NTRK3: variants seen among roughly 807,000 people sequenced by gnomAD.
NTRK3 encodes the protein neurotrophic receptor tyrosine kinase 3, also known as NT-3 growth factor receptor.
NTRK3 carries 24 observed loss-of-function variants against 91.7 expected under a neutral mutation model. That is an observed-to-expected ratio of 0.26 (90% CI 0.19 to 0.37). NTRK3 has a LOEUF of 0.37. Ranked by LOEUF, NTRK3 falls within the 10% of genes least tolerant of loss-of-function variation. The probability of loss-of-function intolerance (pLI) is 1.00; values close to 1 mark genes in which losing one functional copy is unlikely to be tolerated. For missense variants in NTRK3, 880 were observed against 1,068.9 expected, an observed-to-expected ratio of 0.82 and a Z score of 2.46; for synonymous variants, 483 against 404.0, an observed-to-expected ratio of 1.20 and a Z score of -2.34.
At chr15:88,104,984 G>C (rs755182916) in intron 13 of NTRK3, among the ~76,000 whole-genome samples, 11 of 152,212 alleles carry the variant, frequency 7.2e-5, no homozygotes, top group Non-Finnish European at 1.6e-4. Flanking sequence ...CTGGGGGCAA[G>C]CCCTGAAATT....
At chr15:87,998,694 G>C (rs1038724685) in intron 14 of NTRK3, among the ~76,000 whole-genome samples, 1 of 152,152 alleles carries the variant, frequency 6.6e-6, no homozygotes, top group African/African-American at 2.4e-5. Flanking sequence ...ACAGCAAATA[G>C]AGAAACTTCA....
chr15:88,170,880 T>C (rs2045446984), intron 5 of NTRK3, among the ~76,000 whole-genome samples: 1 of 152,118 alleles, frequency 6.6e-6, no homozygotes, highest in Non-Finnish European at 1.5e-5. Flanking sequence ...TGCAGTCCCA[T>C]CTAGCCAGGT....
intron 16 of NTRK3, among the ~76,000 whole-genome samples, chr15:87,930,216 C>G (rs759224762): frequency 6.6e-6 from 1 of 152,114 alleles, no homozygotes; most frequent in Non-Finnish European, 1.5e-5. Context: ...TCTGGGGTAC[C>G]CCCAGAACCC....
chr15:88,189,613 T>G (rs1285345104), intron 3 of NTRK3, among the ~76,000 whole-genome samples: 4 of 151,916 alleles, frequency 2.6e-5, no homozygotes, highest in African/African-American at 9.7e-5. Flanking sequence ...CCCAGCTAAT[T>G]TTGTATTTTT....
intron 13 of NTRK3, among the ~76,000 whole-genome samples, chr15:88,037,772 T>C (rs2079195643): frequency 6.6e-6 from 1 of 152,206 alleles, no homozygotes; most frequent in Admixed American, 6.5e-5. Flanking sequence ...TGCTGATGAT[T>C]GTAATAATTT....
exon 15 of NTRK3, chr15:87,940,650 G>A (rs769768195): frequency 1.2e-6 from 2 of 1,614,032 alleles, no homozygotes; most frequent in Admixed American, 3.3e-5. Context: ...TCTTGTCCTT[G>A]GTCGGGCTGA....
At chr15:88,242,553 C>T (rs1037899207) in intron 3 of NTRK3, among the ~76,000 whole-genome samples, 2 of 152,216 alleles carry the variant, frequency 1.3e-5, no homozygotes, top group Non-Finnish European at 2.9e-5. Flanking sequence ...CTAATACCTG[C>T]CTCCCTCCAT....
rs1021002488 is a variant in NTRK3, at chr15:88,061,652, C to T, written c.1397-28607G>A. Among the ~76,000 whole-genome samples, 6 of 152,376 alleles carry T rather than the reference C, an allele frequency of 3.9e-5. No individual in the cohort carries two copies. The East Asian group carries it at 9.6e-4, about 24-fold the overall frequency. On this transcript the variant is annotated intron_variant, in intron 13 of 18. Transcript: ENST00000394480. ...CTAAGCCAGTCCTTCCCACTTCCTG[C>T]TTCTTCATCTGGTGCCTGGCAGGGT...
At chr15:87,993,620 C>CA (rs1439971271) in intron 14 of NTRK3, among the ~76,000 whole-genome samples, 1 of 152,150 alleles carries the variant, frequency 6.6e-6, no homozygotes, top group East Asian at 1.9e-4. Context: ...TCACCTCCCC[C>CA]AAAGGCCTAG....
chr15:87,987,772 G>A (rs2074949921), intron 14 of NTRK3, among the ~76,000 whole-genome samples: 1 of 151,650 alleles, frequency 6.6e-6, no homozygotes, highest in South Asian at 2.1e-4. Flanking sequence ...CCTCCTCAAT[G>A]TCAGGATATT....
At chr15:88,142,161 T>A (rs1447305640) in intron 6 of NTRK3, among the ~76,000 whole-genome samples, 1 of 152,000 alleles carries the variant, frequency 6.6e-6, no homozygotes, top group Non-Finnish European at 1.5e-5. Flanking sequence ...ATCCTAAATC[T>A]AAATGATGCT....
intron 13 of NTRK3, among the ~76,000 whole-genome samples, chr15:88,033,477 AT>A (rs1174609706): frequency 6.6e-6 from 1 of 151,236 alleles, no homozygotes; most frequent in Admixed American, 6.6e-5. Flanking sequence ...TGCCTGGCTA[AT>A]TTTTGTATTT....
chr15:88,112,132 T>G (rs1253184955), intron 13 of NTRK3, among the ~76,000 whole-genome samples: 3 of 152,176 alleles, frequency 2.0e-5, no homozygotes, highest in South Asian at 2.1e-4. Flanking sequence ...GGTCTTGATC[T>G]CCTGACCTCG....
At chr15:88,230,576 T>C (rs1269436841) in intron 3 of NTRK3, among the ~76,000 whole-genome samples, 1 of 152,216 alleles carries the variant, frequency 6.6e-6, no homozygotes, top group Non-Finnish European at 1.5e-5. Context: ...TTAATTTTAA[T>C]CATTTTAATT....
intron 3 of NTRK3, among the ~76,000 whole-genome samples, chr15:88,188,016 G>A (rs1258896880): frequency 6.6e-6 from 1 of 152,126 alleles, no homozygotes; most frequent in Non-Finnish European, 1.5e-5. Flanking sequence ...GCGGTGACTG[G>A]TTTCCCTGTT....
chr15:88,196,114 T>C (rs751397809), intron 3 of NTRK3, among the ~76,000 whole-genome samples: 2 of 152,184 alleles, frequency 1.3e-5, no homozygotes, highest in Admixed American at 6.5e-5. Flanking sequence ...ATTAAAAGGG[T>C]AGATTTTCTC....
chr15:88,178,596 G>A (rs1326035290), intron 5 of NTRK3, among the ~76,000 whole-genome samples: 2 of 152,226 alleles, frequency 1.3e-5, no homozygotes, highest in African/African-American at 4.8e-5. Context: ...TTGGAAAAGA[G>A]CAAGAAATGG....
At chr15:88,045,748 C>G (rs1342336517) in intron 13 of NTRK3, among the ~76,000 whole-genome samples, 1 of 152,222 alleles carries the variant, frequency 6.6e-6, no homozygotes, top group South Asian at 2.1e-4. Context: ...CAATCCTTGT[C>G]ATTCCTTGGC....
intron 13 of NTRK3, among the ~76,000 whole-genome samples, chr15:88,084,492 G>A (rs1156687885): frequency 6.6e-6 from 1 of 152,164 alleles, no homozygotes; most frequent in Admixed American, 6.5e-5. Flanking sequence ...AAAACAGAAT[G>A]CTGCAAGCAG....
Sources: allele counts gnomAD v4.1 joint callset (sites outside exome capture counted in the v4.1 genomes callset), GRCh38; gene constraint gnomAD v4.1.1; transcripts MANE v1.5; gene names NCBI Gene and HGNC (gene_info 2026-07-23, HGNC 2026-07-21).